The following HSD17B4 variants were observed in gnomAD, a reference collection of about 807,000 sequenced individuals.
HSD17B4 encodes peroxisomal multifunctional enzyme type 2.
In HSD17B4, 70 loss-of-function variants were observed where a neutral mutation model predicts 101.0. The observed-to-expected ratio is 0.69, with a 90% CI of 0.57 to 0.85. The LOEUF (loss-of-function observed/expected upper bound fraction) is 0.85, where lower values mean the gene tolerates loss of function less well. Among genes scored for constraint, HSD17B4 ranks in the 40% least tolerant of loss-of-function variants. The pLI, the probability that HSD17B4 is intolerant of heterozygous loss-of-function variation, is 0.00. For missense variants in HSD17B4, 984 were observed against 892.4 expected (o/e 1.10, Z -1.31); for synonymous variants, 347 against 297.1 (o/e 1.17, Z -1.73).
chr5:119,452,516 C>G lies in HSD17B4; in HGVS notation c.-60C>G, dbSNP rs1428353946. The G allele has an allele frequency of 3.7e-6, 6 of 1,612,766 alleles. No individual in the cohort carries two copies. The African/African-American group carries it at 8.0e-5, about 22-fold the overall frequency. On this transcript the variant is annotated 5_prime_UTR_variant, in exon 1 of 24. Coordinates refer to ENST00000510025, the MANE Select transcript of HSD17B4 (RefSeq NM_000414.4). ...CCCGCCATTCCCCGCCTCCTCCTGTCCCGCAGTCGGCGTCCAGCGGCTCTG... is the reference window on the plus strand; with the variant it reads ...CCCGCCATTCCCCGCCTCCTCCTGTGCCGCAGTCGGCGTCCAGCGGCTCTG...
intron 1 of HSD17B4, among the ~76,000 whole-genome samples, chr5:119,455,019 A>G (rs1433204363): frequency 6.6e-6 from 1 of 152,228 alleles, no homozygotes; most frequent in African/African-American, 2.4e-5. Flanking sequence ...TGTTAATTAA[A>G]TTTATTCATT....
Position 119,525,251 on chromosome 5 carries a change from C to T in HSD17B4, c.1539C>T (p.Pro513=). 2 of 1,612,368 alleles carry T rather than the reference C, an allele frequency of 1.2e-6. No individual in the cohort carries two copies. The highest frequency in any genetic ancestry group is 3.3e-4 in the Middle Eastern group (2 of 6,052). The change falls in exon 18 of 24, where the codon CCC becomes CCT. Residue 513 remains proline, a synonymous_variant. Transcript: ENST00000510025. ...ALYRLSGDWN[P]LHIDPNFASL... ...ACCGCCTCAGTGGAGACTGGAATCCCTTACACATTGATCCTAACTTTGCTA... is the reference window on the plus strand; with the variant it reads ...ACCGCCTCAGTGGAGACTGGAATCCTTTACACATTGATCCTAACTTTGCTA...
rs1338752257 is a variant in HSD17B4 at position 119,525,908 on chromosome 5, T to C, written c.1574-9T>C. 1 of 1,540,298 alleles carries C rather than the reference T, an allele frequency of 6.5e-7. No homozygotes were observed. Among genetic ancestry groups the C allele is most frequent in the Admixed American group, 1.7e-5 (1 of 59,780 alleles). On this transcript the variant is annotated splice_polypyrimidine_tract_variant and intron_variant, in intron 18 of 23. Transcript: ENST00000510025. The stretch of plus-strand genomic sequence containing the variant: ...CCTGTATCTAACTCAGTGTTCTCTC[T>C]TTTCCTAGGTTTTGACAAGCCCATA...
chr5:119,493,656 T>C (rs1395053187), intron 10 of HSD17B4, 162 bp from the exon 11 acceptor site: 4 of 654,264 alleles, frequency 6.1e-6, no homozygotes, highest in South Asian at 1.8e-5. Flanking sequence ...AGTGGGTTTG[T>C]TGGGAAAAAT....
At chr5:119,509,683 C>T (rs932787234) in intron 16 of HSD17B4, among the ~76,000 whole-genome samples, 8 of 152,210 alleles carry the variant, frequency 5.3e-5, no homozygotes, top group East Asian at 1.9e-4. Context: ...CAGGCTTGGT[C>T]GACTGCTGCA....
intron 20 of HSD17B4, among the ~76,000 whole-genome samples, chr5:119,528,149 A>C (rs1345311192): frequency 6.6e-6 from 1 of 152,152 alleles, no homozygotes; most frequent in Non-Finnish European, 1.5e-5. Context: ...AAATATAAGA[A>C]AATCTAGGTT....
chr5:119,536,544 T>A lies in HSD17B4; in HGVS notation c.2115T>A (p.Pro705=). 1 of 1,611,742 alleles carries A rather than the reference T, an allele frequency of 6.2e-7. No individual in the cohort carries two copies. Among genetic ancestry groups the A allele is most frequent in the Non-Finnish European group, 8.5e-7 (1 of 1,178,152 alleles). ...AGGTGGTCCTGGGCAAGCTTGACCC[T>A]CAGAAGGTAATGTTCTCAAATGTTC... The part of the protein sequence containing the change: ...FMEVVLGKLD[P]QKAFFSGRLK... Residue 705 remains proline, a synonymous_variant, in exon 23 of 24, where the codon CCT becomes CCA. Coordinates refer to ENST00000510025, the MANE Select transcript of HSD17B4 (RefSeq NM_000414.4).
chr5:119,505,034 A>G (rs1751520644), intron 14 of HSD17B4, among the ~76,000 whole-genome samples: 1 of 152,106 alleles, frequency 6.6e-6, no homozygotes, highest in South Asian at 2.1e-4. Context: ...TATATTTGTC[A>G]ACTTTGTCAA....
At chr5:119,480,010 T>C (rs1054253077) in intron 8 of HSD17B4, among the ~76,000 whole-genome samples, 2 of 152,188 alleles carry the variant, frequency 1.3e-5, no homozygotes, top group African/African-American at 4.8e-5. Context: ...TTTTTTATTG[T>C]CAGTATTTTG....
intron 2 of HSD17B4, among the ~76,000 whole-genome samples, chr5:119,464,408 AT>A (rs1238901515): frequency 1.3e-5 from 2 of 152,182 alleles, no homozygotes; most frequent in Admixed American, 1.3e-4. Context: ...TTGCATATGG[AT>A]ATCCAGTTTT....
At chr5:119,506,970 G>A in intron 15 of HSD17B4, 81 bp downstream of exon 15, 1 of 710,694 alleles carries the variant, frequency 1.4e-6, no homozygotes, top group Admixed American at 2.3e-5. Context: ...CATAGAAGTT[G>A]ATTAATAAGT....
At chr5:119,476,953 T>C (rs3850200) in intron 6 of HSD17B4, among the ~76,000 whole-genome samples, 27,705 of 152,160 alleles carry the variant, frequency 0.18, 3,882 homozygotes, top group East Asian at 0.42. Flanking sequence ...AGATTGAAAT[T>C]TGTGAAAACA....
At chr5:119,534,365 C>T (rs1218915489) in intron 22 of HSD17B4, among the ~76,000 whole-genome samples, 1 of 146,998 alleles carries the variant, frequency 6.8e-6, no homozygotes, top group Admixed American at 6.7e-5. Flanking sequence ...AAATCCAAGC[C>T]TCCATTATGT....
chr5:119,521,111 G>A (rs1024886918), intron 17 of HSD17B4, among the ~76,000 whole-genome samples: 1 of 152,196 alleles, frequency 6.6e-6, no homozygotes, highest in Admixed American at 6.5e-5. Flanking sequence ...CCTGTGTATA[G>A]TGTTGCCTTG....
chr5:119,532,084 C>G (rs1372516983), intron 22 of HSD17B4, among the ~76,000 whole-genome samples: 1 of 152,116 alleles, frequency 6.6e-6, no homozygotes, highest in Admixed American at 6.6e-5. Flanking sequence ...TCTGTCAGAT[C>G]TTTTGCATCT....
At chr5:119,512,596 A>C (rs1752276891) in intron 16 of HSD17B4, among the ~76,000 whole-genome samples, 1 of 152,140 alleles carries the variant, frequency 6.6e-6, no homozygotes, top group Non-Finnish European at 1.5e-5. Context: ...TCAACTAAGA[A>C]TTTTATAACC....
intron 19 of HSD17B4, among the ~76,000 whole-genome samples, chr5:119,526,722 A>G (rs1214492277): frequency 6.6e-6 from 1 of 151,958 alleles, no homozygotes; most frequent in Non-Finnish European, 1.5e-5. Flanking sequence ...AGAAAATAAT[A>G]TAAAAAATTA....
intron 2 of HSD17B4, chr5:119,471,698 C>G: frequency 7.0e-7 from 1 of 1,431,294 alleles, no homozygotes; most frequent in Non-Finnish European, 9.4e-7. Flanking sequence ...TTCTTTGTTT[C>G]AAGTAATTCT....
In HSD17B4 at chr5:119,489,197, G is replaced by A. The variant is rs1017610439; in HGVS notation, c.628G>A (p.Val210Met). ...GTGTATATTCTTTATTTCAGATCTT[G>A]TGGAAGCCCTGAAGCCAGAGTATGT... ...MTQTVMPEDLVEALKPEYVAP... is the reference protein window; with the variant it reads ...MTQTVMPEDLMEALKPEYVAP... The change falls in exon 9 of 24, where the codon GTG becomes ATG. Residue 210 changes from valine to methionine, a missense_variant. Transcript: ENST00000510025. The A allele has an allele frequency of 1.3e-5, 20 of 1,599,658 alleles. No homozygotes were observed. The African/African-American group carries it at 2.5e-4, about 20-fold the overall frequency.
Sources: allele counts gnomAD v4.1 joint callset (sites outside exome capture counted in the v4.1 genomes callset), GRCh38; gene constraint gnomAD v4.1.1; transcripts MANE v1.5; gene names NCBI Gene and HGNC (gene_info 2026-07-23, HGNC 2026-07-21).